Variants in RHBDL3 observed in about 807,000 individuals in gnomAD.
The protein encoded by RHBDL3 is rhomboid like 3.
Under a neutral mutation model 48.2 loss-of-function variants are expected in RHBDL3, and 28 were observed. The ratio of observed to expected loss-of-function variants is 0.58; its 90% CI spans 0.43 to 0.80. The LOEUF is 0.80. RHBDL3 is among the 30% of genes least tolerant of loss of function. RHBDL3 has a pLI of 0.00. For missense variants in RHBDL3, 464 were observed against 542.7 expected (o/e 0.85, Z 1.44); for synonymous variants, 208 against 232.3 (o/e 0.90, Z 0.95).
rs2041127016 is a variant in RHBDL3 at position 32,321,297 on chromosome 17, C to T, written c.*68C>T. The T allele has an allele frequency of 6.2e-7, 1 of 1,605,184 alleles. No homozygotes were observed. Among genetic ancestry groups the T allele is most frequent in the Non-Finnish European group, 8.5e-7 (1 of 1,177,500 alleles). ...CCCACAGGGAGCGCCTGCGAGGTTTCTTCTCATCACCAGCTCAGCTAGGCC... is the reference window on the plus strand; with the variant it reads ...CCCACAGGGAGCGCCTGCGAGGTTTTTTCTCATCACCAGCTCAGCTAGGCC... On this transcript the variant is annotated 3_prime_UTR_variant, in exon 9 of 9. Coordinates refer to ENST00000269051, the MANE Select transcript of RHBDL3 (RefSeq NM_138328.3).
chr17:32,281,872 C>T (rs1341489789), intron 2 of RHBDL3, among the ~76,000 whole-genome samples: 3 of 152,232 alleles, frequency 2.0e-5, no homozygotes, highest in African/African-American at 7.2e-5. Context: ...GGCATCAGAG[C>T]AGTCCCTGGA....
chr17:32,294,310 A>G lies in RHBDL3; in HGVS notation c.536A>G (p.Tyr179Cys), dbSNP rs2040403006. Residue 179 changes from tyrosine to cysteine, a missense_variant, in exon 5 of 9, where the codon TAC becomes TGC. Coordinates refer to ENST00000269051, the MANE Select transcript of RHBDL3 (RefSeq NM_138328.3). The part of the protein sequence containing the change: ...VTLLEVAFFL[Y>C]NGVSLGQFVL... The stretch of plus-strand genomic sequence containing the variant: ...TCTGTCCAGGTTGCCTTTTTCCTCT[A>G]CAATGGGGTGTCACTAGGTCAATTT... The G allele has an allele frequency of 6.2e-7, 1 of 1,613,962 alleles. No homozygotes were observed. Among genetic ancestry groups the G allele is most frequent in the Non-Finnish European group, 8.5e-7 (1 of 1,179,934 alleles).
At position 32,293,708 on chromosome 17, in the gene RHBDL3, T is replaced by C. The variant is rs564415773; in HGVS notation, c.520-586T>C. Reference sequence around the variant, plus strand: ...GTGGGTGCGTGAGTTATTACTGGAATTAAAGTTCAAAATCCTCCAAATCCT... The same window carrying C: ...GTGGGTGCGTGAGTTATTACTGGAACTAAAGTTCAAAATCCTCCAAATCCT... On this transcript the variant is annotated intron_variant, in intron 4 of 8. Transcript: ENST00000269051. 5.3e-5 allele frequency among the ~76,000 whole-genome samples: 8 copies of C among 152,254 alleles called. No homozygotes were observed. The East Asian group carries it at 1.4e-3, about 26-fold the overall frequency.
intron 3 of RHBDL3, among the ~76,000 whole-genome samples, chr17:32,287,191 T>C (rs1278576883): frequency 6.6e-6 from 1 of 152,116 alleles, no homozygotes; most frequent in African/African-American, 2.4e-5. Context: ...ACTGGGCATG[T>C]GAGGGACGCA....
At chr17:32,288,694 G>T in intron 3 of RHBDL3, 98 bp from the exon 4 acceptor site, 2 of 783,330 alleles carry the variant, frequency 2.6e-6, no homozygotes, top group Non-Finnish European at 2.1e-6. Context: ...GGAAATGCGG[G>T]GTCAGGCCTG....
At chr17:32,310,504 G>T (rs1396840892) in intron 7 of RHBDL3, among the ~76,000 whole-genome samples, 1 of 152,076 alleles carries the variant, frequency 6.6e-6, no homozygotes, top group Non-Finnish European at 1.5e-5. Flanking sequence ...CACAAGGTCA[G>T]GAGTTCGAGA....
intron 2 of RHBDL3, among the ~76,000 whole-genome samples, chr17:32,281,208 TG>T (rs1194118821): frequency 4.6e-5 from 7 of 151,948 alleles, no homozygotes; most frequent in African/African-American, 1.4e-4. Flanking sequence ...CAGGCCCTGG[TG>T]GGGGTGGAGG....
intron 8 of RHBDL3, 146 bp from the exon 9 acceptor site, chr17:32,320,812 C>T (rs953702712): frequency 6.4e-6 from 4 of 621,490 alleles, no homozygotes; most frequent in Admixed American, 2.9e-5. Context: ...CAGAGATTTG[C>T]CTGCCTCCTT....
At chr17:32,305,566 C>T in intron 7 of RHBDL3, 125 bp downstream of exon 7, 2 of 706,658 alleles carry the variant, frequency 2.8e-6, no homozygotes, top group East Asian at 5.3e-5. Flanking sequence ...GCAGAGTTCT[C>T]ACACACTCCT....
intron 7 of RHBDL3, among the ~76,000 whole-genome samples, chr17:32,309,217 A>G (rs923469435): frequency 6.8e-6 from 1 of 147,170 alleles, no homozygotes; most frequent in Non-Finnish European, 1.5e-5. Context: ...TGTGTGTGTG[A>G]GATACACAGT....
Position 32,321,277 on chromosome 17 carries a change from A to T in RHBDL3, c.*48A>T, listed in dbSNP as rs771115398. 1.2e-6 allele frequency: 2 copies of T among 1,612,432 alleles called. No homozygotes were observed. Among genetic ancestry groups the T allele is most frequent in the East Asian group, 2.2e-5 (1 of 44,872 alleles). On this transcript the variant is annotated 3_prime_UTR_variant, in exon 9 of 9. Transcript: ENST00000269051. ...GAGGGGAGGGAAAAGCAGCACCCAC[A>T]GGGAGCGCCTGCGAGGTTTCTTCTC...
At chr17:32,319,023 G>T (rs897453596) in intron 8 of RHBDL3, among the ~76,000 whole-genome samples, 1 of 152,054 alleles carries the variant, frequency 6.6e-6, no homozygotes, top group Non-Finnish European at 1.5e-5. Flanking sequence ...GTATTAGGGT[G>T]CAGTGGGGTG....
At chr17:32,301,432 T>C (rs986232547) in intron 6 of RHBDL3, among the ~76,000 whole-genome samples, 5 of 149,066 alleles carry the variant, frequency 3.4e-5, no homozygotes, top group Non-Finnish European at 7.4e-5. Flanking sequence ...ATATCACCAA[T>C]CTTATATTAT....
Position 32,281,920 on chromosome 17 carries a change from G to A in RHBDL3, c.136-2739G>A, listed in dbSNP as rs551470615. 3.3e-5 allele frequency among the ~76,000 whole-genome samples: 5 copies of A among 152,322 alleles called. No homozygotes were observed. The South Asian group carries it at 1.0e-3, about 32-fold the overall frequency. On this transcript the variant is annotated intron_variant, in intron 2 of 8. Coordinates refer to ENST00000269051, the MANE Select transcript of RHBDL3 (RefSeq NM_138328.3). ...TGGCACCTGGCCATGGCTTAGAGGA[G>A]TGCTCAGCTGTCTGGAGGTGGAATC...
chr17:32,282,420 C>A (rs71377427), intron 2 of RHBDL3, among the ~76,000 whole-genome samples: 7,700 of 152,104 alleles, frequency 0.051, 273 homozygotes, highest in African/African-American at 0.095. Context: ...TTTAAAAATT[C>A]GCTGGTTGTG....
intron 1 of RHBDL3, 82 bp downstream of exon 1, chr17:32,266,382 A>T (rs1228271441): frequency 4.2e-6 from 3 of 706,116 alleles, no homozygotes; most frequent in Non-Finnish European, 6.3e-6. Context: ...CACGCCGGGC[A>T]ACTTGGAGGT....
At chr17:32,308,272 T>A (rs1434914532) in intron 7 of RHBDL3, among the ~76,000 whole-genome samples, 1 of 152,120 alleles carries the variant, frequency 6.6e-6, no homozygotes, top group Non-Finnish European at 1.5e-5. Context: ...GCATGACACA[T>A]GGGGAGCCCT....
At chr17:32,289,721 G>T (rs1040220392) in intron 4 of RHBDL3, among the ~76,000 whole-genome samples, 7 of 152,156 alleles carry the variant, frequency 4.6e-5, no homozygotes, top group Non-Finnish European at 8.8e-5. Context: ...ATTCTTTTGG[G>T]TCCTCCACTC....
intron 2 of RHBDL3, among the ~76,000 whole-genome samples, chr17:32,269,163 C>G (rs973385887): frequency 1.3e-5 from 2 of 152,120 alleles, no homozygotes; most frequent in African/African-American, 4.8e-5. Flanking sequence ...GCCTCGCCAA[C>G]AAAGTGAGAC....
Sources: allele counts gnomAD v4.1 joint callset (sites outside exome capture counted in the v4.1 genomes callset), GRCh38; gene constraint gnomAD v4.1.1; transcripts MANE v1.5; gene names NCBI Gene and HGNC (gene_info 2026-07-23, HGNC 2026-07-21).